Variants in CFAP68 observed in about 807,000 individuals in gnomAD.
The protein encoded by CFAP68 is cilia- and flagella-associated protein 68.
the CFAP68 span, chr11:111,883,881 A>G: frequency 6.4e-7 from 1 of 1,567,644 alleles, no homozygotes; most frequent in Non-Finnish European, 8.8e-7. Flanking sequence ...AAAGCCTTAA[A>G]TTGGGCATCA....
chr11:111,884,711 C>T, the CFAP68 span: 40,722 of 151,962 alleles, frequency 0.27, 5,656 homozygotes, highest in Admixed American at 0.34. Context: ...GAGAATTTTA[C>T]GTAAAACAAA....
the CFAP68 span, chr11:111,879,577 GTC>G: frequency 2.7e-5 from 44 of 1,614,070 alleles, no homozygotes; most frequent in African/African-American, 5.1e-4. Context: ...GCCTCCCAGT[GTC>G]TCTGCTGCTC....
At chr11:111,882,430 C>G in the CFAP68 span, 1 of 1,614,118 alleles carries the variant, frequency 6.2e-7, no homozygotes, top group Non-Finnish European at 8.5e-7. Context: ...ATGCAGATGG[C>G]CATGGTGAAG....
chr11:111,883,325 C>T, the CFAP68 span: 2 of 822,172 alleles, frequency 2.4e-6, no homozygotes, highest in Non-Finnish European at 3.9e-6. Context: ...CGCAGTGGCT[C>T]ACACCTGTAA....
the CFAP68 span, chr11:111,880,611 G>A: frequency 3.2e-6 from 1 of 316,396 alleles, no homozygotes; most frequent in South Asian, 2.4e-5. Flanking sequence ...AAAAGTGGAG[G>A]TATGAATTAA....
chr11:111,881,192 G>C, the CFAP68 span: 1 of 1,294,254 alleles, frequency 7.7e-7, no homozygotes, highest in Admixed American at 3.7e-5. Flanking sequence ...TGAGTGGATG[G>C]TGATGTCTGT....
chr11:111,883,827 C>T, the CFAP68 span: 255 of 1,613,482 alleles, frequency 1.6e-4, no homozygotes, highest in Non-Finnish European at 2.1e-4. Flanking sequence ...GGATCCTCCC[C>T]GATACAAATG....
chr11:111,882,533 G>A, the CFAP68 span: 3 of 1,613,874 alleles, frequency 1.9e-6, no homozygotes, highest in East Asian at 6.7e-5. Context: ...TACCCTGATG[G>A]GCAACTGGAA....
chr11:111,885,510 G>A, the CFAP68 span: 1 of 152,194 alleles, frequency 6.6e-6, no homozygotes, highest in Non-Finnish European at 1.5e-5. Context: ...GGATGTTAGA[G>A]TAAGGTATTT....
the CFAP68 span, chr11:111,880,818 C>G: frequency 2.2e-6 from 1 of 456,276 alleles, no homozygotes; most frequent in South Asian, 1.5e-5. Flanking sequence ...GTAACAAGAA[C>G]ATGCTGTATT....
chr11:111,883,876 C>T, the CFAP68 span: 9 of 1,584,578 alleles, frequency 5.7e-6, no homozygotes, highest in African/African-American at 1.1e-4. Flanking sequence ...TATTCAAAGC[C>T]TTAAATTGGG....
chr11:111,885,486 A>G, the CFAP68 span: 2 of 152,226 alleles, frequency 1.3e-5, no homozygotes, highest in Non-Finnish European at 2.9e-5. Context: ...AGTCTTGGTA[A>G]TGATTCAAAG....
chr11:111,881,890 T>A, the CFAP68 span, among the ~76,000 whole-genome samples: 1 of 152,194 alleles, frequency 6.6e-6, no homozygotes, highest in South Asian at 2.1e-4. Context: ...GATAAAGTTT[T>A]ATGTGAGTTG....
At chr11:111,879,644 G>A in the CFAP68 span, 1 of 1,594,720 alleles carries the variant, frequency 6.3e-7, no homozygotes, top group African/African-American at 1.3e-5. Flanking sequence ...TCAAGAAAGA[G>A]TATTGAGTGT....
At chr11:111,881,447 G>A in the CFAP68 span, 3 of 1,535,672 alleles carry the variant, frequency 2.0e-6, no homozygotes, top group South Asian at 1.2e-5. Context: ...ATGGCCACTT[G>A]CCCATGGTAA....
the CFAP68 span, chr11:111,879,655 C>T: frequency 3.7e-5 from 59 of 1,577,338 alleles, no homozygotes; most frequent in East Asian, 6.5e-4. Flanking sequence ...TATTGAGTGT[C>T]TATTGCGTGC....
chr11:111,885,679 T>C, the CFAP68 span: 2 of 152,214 alleles, frequency 1.3e-5, no homozygotes, highest in Admixed American at 6.5e-5. Flanking sequence ...TTCCTATTTT[T>C]TTATCTACTG....
the CFAP68 span, chr11:111,883,350 G>A: frequency 1.0e-3 from 693 of 684,892 alleles, 7 homozygotes; most frequent in East Asian, 0.015. Flanking sequence ...AGCACTTTGT[G>A]AGGCTGAGGC....
the CFAP68 span, chr11:111,879,687 A>G: frequency 6.9e-7 from 1 of 1,458,050 alleles, no homozygotes; most frequent in Non-Finnish European, 9.6e-7. Context: ...GAGGGTGGTT[A>G]CGATATGTGG....
Sources: allele counts gnomAD v4.1 joint callset (sites outside exome capture counted in the v4.1 genomes callset), GRCh38; gene constraint gnomAD v4.1.1; transcripts MANE v1.5; gene names NCBI Gene and HGNC (gene_info 2026-07-23, HGNC 2026-07-21).